Variants in ATE1 observed in about 807,000 individuals in gnomAD.
ATE1 encodes arginyltransferase 1.
A neutral mutation model predicts 70.5 loss-of-function variants in ATE1; 36 were observed. The observed-to-expected ratio is 0.51, with a 90% CI of 0.39 to 0.67. ATE1 has a LOEUF of 0.67. Among genes scored for constraint, ATE1 ranks in the 30% least tolerant of loss-of-function variants. ATE1 has a pLI of 0.00. For missense variants in ATE1, 593 were observed against 629.5 expected, an observed-to-expected ratio of 0.94 and a Z score of 0.62; for synonymous variants, 232 against 219.3, an observed-to-expected ratio of 1.06 and a Z score of -0.51.
At chr10:121,918,136 C>T (rs796962871) in intron 3 of ATE1, among the ~76,000 whole-genome samples, 8 of 152,240 alleles carry the variant, frequency 5.3e-5, no homozygotes, top group African/African-American at 1.7e-4. Flanking sequence ...AGTTCCAGAC[C>T]AACCTGGCCA....
At chr10:121,797,849 T>A (rs1205549692) in intron 10 of ATE1, among the ~76,000 whole-genome samples, 1 of 152,166 alleles carries the variant, frequency 6.6e-6, no homozygotes, top group East Asian at 1.9e-4. Context: ...CCACCTATCC[T>A]CCCTACCGTT....
intron 10 of ATE1, among the ~76,000 whole-genome samples, chr10:121,804,972 T>G (rs1947038822): frequency 6.6e-6 from 1 of 152,138 alleles, no homozygotes; most frequent in Admixed American, 6.5e-5. Context: ...CACTGTGTGT[T>G]TGTGAGCAAC....
chr10:121,926,790 T>A, intron 1 of ATE1: 1 of 985,468 alleles, frequency 1.0e-6, no homozygotes, highest in South Asian at 4.7e-5. Flanking sequence ...TGTAATCATG[T>A]CGCATAAGCC....
At chr10:121,851,067 G>A (rs1340402046) in intron 8 of ATE1, among the ~76,000 whole-genome samples, 3 of 118,518 alleles carry the variant, frequency 2.5e-5, no homozygotes, top group Non-Finnish European at 4.8e-5. Context: ...CTCCAGCCTG[G>A]GCCACAAAGC....
chr10:121,812,510 G>A (rs1947366708), intron 10 of ATE1, among the ~76,000 whole-genome samples: 1 of 152,168 alleles, frequency 6.6e-6, no homozygotes, highest in African/African-American at 2.4e-5. Flanking sequence ...AAGGTAGTCA[G>A]GCAGCACTTA....
chr10:121,841,363 C>G (rs556849642), intron 8 of ATE1, 100 bp from the exon 9 acceptor site: 1 of 880,298 alleles, frequency 1.1e-6, no homozygotes, highest in East Asian at 3.4e-5. Context: ...AAGTCCTTAA[C>G]TTTCCTCTTT....
intron 10 of ATE1, among the ~76,000 whole-genome samples, chr10:121,806,435 C>T (rs771982226): frequency 6.6e-6 from 1 of 151,990 alleles, no homozygotes; most frequent in Non-Finnish European, 1.5e-5. Context: ...TCTGGGTGAC[C>T]GAGTGAGACC....
rs973007883 is a variant in ATE1, at chr10:121,900,267, G to A, written c.814-273C>T. ...GTAAGCCTGCCTCTACTGTAAACTGGCAGAGTATTTCCAGCACTCGTACAC... is the reference window on the plus strand; with the variant it reads ...GTAAGCCTGCCTCTACTGTAAACTGACAGAGTATTTCCAGCACTCGTACAC... On this transcript the variant is annotated intron_variant, in intron 6 of 11. Coordinates refer to ENST00000224652, the MANE Select transcript of ATE1 (RefSeq NM_001001976.3). 5.3e-5 allele frequency among the ~76,000 whole-genome samples: 8 copies of A among 152,248 alleles called. No homozygotes were observed. In the South Asian group the frequency reaches 1.7e-3, roughly 32 times the overall value.
intron 8 of ATE1, among the ~76,000 whole-genome samples, chr10:121,852,750 A>C (rs1949102025): frequency 6.6e-6 from 1 of 152,210 alleles, no homozygotes; most frequent in African/African-American, 2.4e-5. Flanking sequence ...AGATGTGCTA[A>C]GCCACTGTGG....
chr10:121,879,759 T>C (rs1950171199), intron 7 of ATE1, among the ~76,000 whole-genome samples: 1 of 152,204 alleles, frequency 6.6e-6, no homozygotes, highest in South Asian at 2.1e-4. Flanking sequence ...CAGTCACCAG[T>C]AAGGAAGACC....
intron 10 of ATE1, among the ~76,000 whole-genome samples, chr10:121,798,470 T>C (rs1946744536): frequency 6.6e-6 from 1 of 152,236 alleles, no homozygotes. Context: ...TCTTCATCTG[T>C]TAGGAGAGTT....
At chr10:121,863,356 C>A (rs367967327) in intron 8 of ATE1, among the ~76,000 whole-genome samples, 10 of 150,162 alleles carry the variant, frequency 6.7e-5, no homozygotes, top group Non-Finnish European at 1.5e-4. Context: ...CGGGTTCAAG[C>A]GATTCTCCTG....
At chr10:121,794,704 A>T (rs1313203155) in intron 10 of ATE1, among the ~76,000 whole-genome samples, 1 of 152,058 alleles carries the variant, frequency 6.6e-6, no homozygotes, top group African/African-American at 2.4e-5. Context: ...CATCTCAAAA[A>T]ACAACATAAG....
intron 10 of ATE1, among the ~76,000 whole-genome samples, chr10:121,801,729 G>A (rs1946886865): frequency 6.6e-6 from 1 of 151,998 alleles, no homozygotes; most frequent in Admixed American, 6.5e-5. Flanking sequence ...ACAGCACTTA[G>A]AATCACTGGT....
intron 10 of ATE1, among the ~76,000 whole-genome samples, chr10:121,809,701 C>A (rs1947241541): frequency 6.6e-6 from 1 of 151,798 alleles, no homozygotes; most frequent in African/African-American, 2.4e-5. Flanking sequence ...TTTTGATGTC[C>A]TGGACATCCA....
intron 2 of ATE1, among the ~76,000 whole-genome samples, chr10:121,923,448 G>C (rs74158470): frequency 0.04 from 6,032 of 152,132 alleles, 388 homozygotes; most frequent in African/African-American, 0.13. Context: ...CTGGGCAAGA[G>C]AGCGACTCTA....
At chr10:121,898,203 C>G (rs574026962) in intron 7 of ATE1, among the ~76,000 whole-genome samples, 1 of 152,236 alleles carries the variant, frequency 6.6e-6, no homozygotes, top group South Asian at 2.1e-4. Context: ...TTATATCTAA[C>G]AGAAGGTCCC....
At chr10:121,828,955 T>C (rs942458338) in intron 10 of ATE1, among the ~76,000 whole-genome samples, 12 of 152,318 alleles carry the variant, frequency 7.9e-5, no homozygotes, top group African/African-American at 2.6e-4. Flanking sequence ...AAATGAAACA[T>C]TAATCTAGTT....
At chr10:121,892,751 G>A (rs1950624264) in intron 7 of ATE1, among the ~76,000 whole-genome samples, 2 of 152,132 alleles carry the variant, frequency 1.3e-5, no homozygotes, top group Non-Finnish European at 2.9e-5. Context: ...CTGACCTCAG[G>A]TGATCCACCT....
Sources: allele counts gnomAD v4.1 joint callset (sites outside exome capture counted in the v4.1 genomes callset), GRCh38; gene constraint gnomAD v4.1.1; transcripts MANE v1.5; gene names NCBI Gene and HGNC (gene_info 2026-07-23, HGNC 2026-07-21).